MSRA: variants seen among roughly 807,000 people sequenced by gnomAD.
MSRA encodes the protein mitochondrial peptide methionine sulfoxide reductase.
In MSRA, 54 loss-of-function variants were observed where a neutral mutation model predicts 31.3. That is an observed-to-expected ratio of 1.73 (90% confidence interval 1.39 to 2.17). The LOEUF is 2.17. Ranked by LOEUF, MSRA falls within the 30% of genes most tolerant of loss-of-function variation. The pLI is 0.00. For synonymous variants in MSRA, 169 were observed against 116.5 expected, an observed-to-expected ratio of 1.45 and a Z score of -2.90; for missense variants, 507 against 300.9, an observed-to-expected ratio of 1.69 and a Z score of -5.07.
At chr8:10,164,729 C>A (rs1563170851) in intron 1 of MSRA, among the ~76,000 whole-genome samples, 1 of 152,062 alleles carries the variant, frequency 6.6e-6, no homozygotes, top group Non-Finnish European at 1.5e-5. Context: ...CACCCTCAAC[C>A]CTGGGCTGCA....
chr8:10,406,143 C>G (rs1180471669), intron 5 of MSRA, among the ~76,000 whole-genome samples: 1 of 152,262 alleles, frequency 6.6e-6, no homozygotes, highest in Non-Finnish European at 1.5e-5. Context: ...ATCCGACTCC[C>G]AGGCTCACAC....
chr8:10,109,954 G>A lies in MSRA; in HGVS notation c.142+55296G>A, dbSNP rs539325743. Among the ~76,000 whole-genome samples the A allele has an allele frequency of 5.3e-5, 8 of 152,240 alleles. No individual in the cohort carries two copies. The South Asian group carries it at 1.0e-3, about 20-fold the overall frequency. Reference sequence around the variant, plus strand: ...GCCACAGTTTTTGGTTTCCACATATGTAAAGATTCGTCATAATTAGCAAGT... The same window carrying A: ...GCCACAGTTTTTGGTTTCCACATATATAAAGATTCGTCATAATTAGCAAGT... On this transcript the variant is annotated intron_variant, in intron 1 of 5. Transcript: ENST00000317173.
rs117685527 is a variant in MSRA at position 10,394,834 on chromosome 8, T to C, written c.544-33314T>C. Among the ~76,000 whole-genome samples, 604 of 152,384 alleles carry C rather than the reference T, an allele frequency of 4.0e-3. 23 individuals are homozygous for C. In the East Asian group the frequency reaches 0.1, roughly 26 times the overall value. On this transcript the variant is annotated intron_variant, in intron 5 of 5. Transcript: ENST00000317173. ...TCCACCCAGTATCATGATGGCTACT[T>C]GTCTGCCTTGGATTCAGATTTCTTT...
At chr8:10,426,798 A>G (rs1307532039) in intron 5 of MSRA, among the ~76,000 whole-genome samples, 1 of 152,232 alleles carries the variant, frequency 6.6e-6, no homozygotes, top group Admixed American at 6.5e-5. Flanking sequence ...TGCACAGATC[A>G]TGGCATATGG....
intron 3 of MSRA, among the ~76,000 whole-genome samples, chr8:10,278,982 C>A (rs1044220829): frequency 2.0e-5 from 3 of 151,982 alleles, no homozygotes; most frequent in African/African-American, 7.3e-5. Flanking sequence ...TAGATTTTTG[C>A]CTTACAGTAG....
At chr8:10,259,847 C>T (rs552018838) in intron 3 of MSRA, among the ~76,000 whole-genome samples, 29 of 152,302 alleles carry the variant, frequency 1.9e-4, no homozygotes, top group East Asian at 9.7e-4. Context: ...CCATGGCAGT[C>T]GGTGCCACCC....
intron 3 of MSRA, among the ~76,000 whole-genome samples, chr8:10,263,099 G>A (rs1195270409): frequency 2.0e-5 from 3 of 152,164 alleles, no homozygotes; most frequent in African/African-American, 7.2e-5. Context: ...CCCAGCCCGA[G>A]GCCTAGTGTC....
intron 5 of MSRA, among the ~76,000 whole-genome samples, chr8:10,395,687 C>T (rs759744838): frequency 4.6e-5 from 7 of 152,138 alleles, no homozygotes; most frequent in African/African-American, 9.7e-5. Flanking sequence ...AGAATGTCTG[C>T]ACATCCATTG....
At chr8:10,223,505 T>G (rs765572356) in intron 2 of MSRA, among the ~76,000 whole-genome samples, 1 of 152,194 alleles carries the variant, frequency 6.6e-6, no homozygotes, top group Non-Finnish European at 1.5e-5. Context: ...TCGGCCACAT[T>G]TGGGCTTCAG....
chr8:10,176,140 C>T (rs540080544), intron 1 of MSRA, among the ~76,000 whole-genome samples: 41 of 152,284 alleles, frequency 2.7e-4, no homozygotes, highest in African/African-American at 8.7e-4. Context: ...ATCTTTTAAG[C>T]AGTTTGAAAC....
At chr8:10,062,746 C>T (rs375310759) in intron 1 of MSRA, among the ~76,000 whole-genome samples, 3 of 152,116 alleles carry the variant, frequency 2.0e-5, no homozygotes, top group African/African-American at 4.8e-5. Context: ...TTTTTCCTAT[C>T]GCATCAGAAA....
At chr8:10,270,476 A>G (rs1798973224) in intron 3 of MSRA, among the ~76,000 whole-genome samples, 1 of 151,856 alleles carries the variant, frequency 6.6e-6, no homozygotes, top group African/African-American at 2.4e-5. Flanking sequence ...ATCCAAGTTT[A>G]GTAATACAAA....
chr8:10,154,290 G>A (rs540467088), intron 1 of MSRA, among the ~76,000 whole-genome samples: 1 of 151,830 alleles, frequency 6.6e-6, no homozygotes. Flanking sequence ...GGGCAGGGGT[G>A]CTACCCAATA....
chr8:10,374,348 C>T (rs1393323475), intron 5 of MSRA, among the ~76,000 whole-genome samples: 1 of 152,072 alleles, frequency 6.6e-6, no homozygotes, highest in Non-Finnish European at 1.5e-5. Flanking sequence ...GTGGGAAGAC[C>T]CCTTTGTGGA....
Position 10,054,579 on chromosome 8 carries a change from G to A in MSRA, c.63G>A (p.Pro21=). Residue 21 remains proline (P), a synonymous_variant, in exon 1 of 6, where the codon CCG becomes CCA. Coordinates refer to ENST00000317173, the MANE Select transcript of MSRA (RefSeq NM_012331.5). The stretch of plus-strand genomic sequence containing the variant: ...TCCTCCACAGCCTCTTTCCCGTCCC[G>A]AGGATGGGCAACTCGGCCTCGAACA... ...LLLLHSLFPV[P]RMGNSASNIV... is the part of the protein sequence containing the mutation. The A allele has an allele frequency of 1.3e-6, 2 of 1,585,164 alleles. No individual in the cohort carries two copies. Among genetic ancestry groups the A allele is most frequent in the Non-Finnish European group, 1.7e-6 (2 of 1,166,104 alleles).
chr8:10,382,129 G>A (rs963252022), intron 5 of MSRA, among the ~76,000 whole-genome samples: 3 of 152,224 alleles, frequency 2.0e-5, no homozygotes, highest in African/African-American at 4.8e-5. Flanking sequence ...CGCTGGACTG[G>A]GCAAGGCTGT....
At position 10,070,335 on chromosome 8, in the gene MSRA, G is replaced by T. The variant is rs567437839; in HGVS notation, c.142+15677G>T. Among the ~76,000 whole-genome samples, 3 of 152,308 alleles carry T rather than the reference G, an allele frequency of 2.0e-5. No individual in the cohort carries two copies. In the South Asian group the frequency reaches 6.2e-4, roughly 32 times the overall value. On this transcript the variant is annotated intron_variant, in intron 1 of 5. Transcript: ENST00000317173. ...CACCTAGTCACATTTGATGAAATGGGTTACAAAGTTTTAGCACCTTTCTGT... is the reference window on the plus strand; with the variant it reads ...CACCTAGTCACATTTGATGAAATGGTTTACAAAGTTTTAGCACCTTTCTGT...
At chr8:10,300,492 G>C (rs1272232967) in intron 3 of MSRA, among the ~76,000 whole-genome samples, 1 of 152,068 alleles carries the variant, frequency 6.6e-6, no homozygotes, top group East Asian at 1.9e-4. Context: ...CTGACCTCAA[G>C]TGATCCGCCT....
At chr8:10,160,426 C>A (rs567387097) in intron 1 of MSRA, among the ~76,000 whole-genome samples, 1 of 151,574 alleles carries the variant, frequency 6.6e-6, no homozygotes, top group Admixed American at 6.6e-5. Context: ...ACCCAGGAGG[C>A]AGAGGTTGCA....
Sources: gnomAD v4.1 joint callset for allele counts (sites outside exome capture counted in the v4.1 genomes callset) on GRCh38, gnomAD v4.1.1 for gene constraint, MANE v1.5 for transcripts, NCBI Gene and HGNC (gene_info 2026-07-23, HGNC 2026-07-21) for gene names.